The following MADD variants were observed in gnomAD, a reference collection of about 807,000 sequenced individuals.
MADD encodes MAP kinase activating death domain, also known as MAP kinase-activating death domain protein.
In MADD, 109 loss-of-function variants were observed where a neutral mutation model predicts 176.7. The observed-to-expected ratio is 0.62, with a 90% CI of 0.53 to 0.72. The LOEUF is 0.72. Ranked by LOEUF, MADD falls within the 30% of genes least tolerant of loss-of-function variation. The pLI is 0.00. For synonymous variants in MADD, 771 were observed against 771.3 expected, an observed-to-expected ratio of 1.00 and a Z score of 0.01; for missense variants, 1,914 against 2,045.5, an observed-to-expected ratio of 0.94 and a Z score of 1.24.
intron 32 of MADD, among the ~76,000 whole-genome samples, 166 bp downstream of exon 36, chr11:47,328,870 C>T (rs950009733): frequency 1.3e-5 from 2 of 152,138 alleles, no homozygotes; most frequent in East Asian, 1.9e-4. Flanking sequence ...CCCTGAGAGA[C>T]AGACACACAC....
intron 15 of MADD, 54 bp from the exon 17 acceptor site, chr11:47,289,337 T>G: frequency 1.3e-4 from 191 of 1,422,458 alleles, no homozygotes; most frequent in Non-Finnish European, 1.8e-4. Context: ...TGTGCTGGCA[T>G]GAGCTCCTGT....
At chr11:47,323,473 C>T (rs1212587249) in intron 27 of MADD, among the ~76,000 whole-genome samples, 198 bp from the exon 31 acceptor site, 1 of 151,972 alleles carries the variant, frequency 6.6e-6, no homozygotes, top group Non-Finnish European at 1.5e-5. Context: ...CTTCTAATGA[C>T]TCCATCTCTT....
intron 32 of MADD, 63 bp from the exon 37 acceptor site, chr11:47,328,983 T>G (rs1167607434): frequency 7.3e-7 from 1 of 1,370,558 alleles, no homozygotes; most frequent in Non-Finnish European, 1.0e-6. Flanking sequence ...CATTGGCAGA[T>G]CCTTCACATA....
exon 4 of MADD, chr11:47,276,153 G>A (rs1326027590): frequency 6.2e-7 from 1 of 1,614,092 alleles, no homozygotes; most frequent in Non-Finnish European, 8.5e-7. Context: ...GAACTTCTAG[G>A]TGTGGACGCC....
At chr11:47,298,240 T>C (rs560596064) in intron 22 of MADD, among the ~76,000 whole-genome samples, 38 of 152,302 alleles carry the variant, frequency 2.5e-4, no homozygotes, top group African/African-American at 9.1e-4. Flanking sequence ...GGAGCCAGAG[T>C]AATAGGAAAA....
intron 22 of MADD, among the ~76,000 whole-genome samples, chr11:47,299,735 G>T (rs761511072): frequency 7.3e-6 from 1 of 137,624 alleles, no homozygotes; most frequent in East Asian, 2.3e-4. Flanking sequence ...TTGCCATGTT[G>T]CCCAGGCTGG....
intron 22 of MADD, among the ~76,000 whole-genome samples, chr11:47,298,155 C>T (rs17726390): frequency 0.11 from 16,766 of 152,214 alleles, 1,078 homozygotes; most frequent in South Asian, 0.23. Context: ...AAATTGGCAA[C>T]GGGGCTAGCC....
intron 27 of MADD, among the ~76,000 whole-genome samples, chr11:47,320,677 C>T (rs2094305030): frequency 6.6e-6 from 1 of 151,758 alleles, no homozygotes; most frequent in Non-Finnish European, 1.5e-5. Flanking sequence ...GTACCAGCTA[C>T]TGGGGAGGCT....
chr11:47,283,392 CTTAT>C (rs1196986148), intron 10 of MADD, among the ~76,000 whole-genome samples: 3 of 151,384 alleles, frequency 2.0e-5, no homozygotes, highest in Non-Finnish European at 4.4e-5. Context: ...CGCGCCCGGC[CTTAT>C]TTATTTATTT....
intron 15 of MADD, 122 bp downstream of exon 16, chr11:47,289,149 C>T (rs2063158422): frequency 2.9e-6 from 3 of 1,037,224 alleles, no homozygotes; most frequent in East Asian, 2.4e-5. Flanking sequence ...CTTGCCCCGT[C>T]CCCCGTGACG....
intron 26 of MADD, among the ~76,000 whole-genome samples, chr11:47,312,530 A>G (rs930169982): frequency 2.6e-5 from 4 of 152,172 alleles, no homozygotes; most frequent in African/African-American, 9.7e-5. Flanking sequence ...GAGTTCAAGC[A>G]GTTTTCCTGC....
At chr11:47,273,929 G>T in exon 2 of MADD, 1 of 1,614,120 alleles carries the variant, frequency 6.2e-7, no homozygotes, top group Non-Finnish European at 8.5e-7. Context: ...TGCAAAAGAA[G>T]AAGTTCTGTC....
intron 25 of MADD, 97 bp downstream of exon 28, chr11:47,309,709 G>C: frequency 1.1e-6 from 1 of 871,658 alleles, no homozygotes; most frequent in Non-Finnish European, 1.9e-6. Flanking sequence ...AGCTATCAAG[G>C]TATCTTAACT....
rs533435952 is a variant in MADD, at chr11:47,275,529, G to A, written c.659+370G>A. Reference sequence around the variant, plus strand: ...TGGTCTCAAACTCCTCACCTCAGGTGGTCCACCCACGTTGGCCTCCCAAAG... The same window carrying A: ...TGGTCTCAAACTCCTCACCTCAGGTAGTCCACCCACGTTGGCCTCCCAAAG... On this transcript the variant is annotated intron_variant, in intron 3 of 32. Coordinates refer to ENST00000402192, the Ensembl canonical transcript of MADD. 3.3e-5 allele frequency among the ~76,000 whole-genome samples: 5 copies of A among 152,298 alleles called. No individual in the cohort carries two copies. In the East Asian group the frequency reaches 9.7e-4, roughly 29 times the overall value.
At chr11:47,295,794 T>A in intron 21 of MADD, 103 bp from the exon 24 acceptor site, 1 of 1,526,266 alleles carries the variant, frequency 6.6e-7, no homozygotes, top group Non-Finnish European at 8.8e-7. Flanking sequence ...TGACACACTT[T>A]TGAAATTTAA....
chr11:47,276,014 G>C, exon 4 of MADD: 1 of 1,614,182 alleles, frequency 6.2e-7, no homozygotes. Context: ...GCGCTCCCCA[G>C]TACCCGTCTC....
chr11:47,320,065 G>A (rs929546753), intron 27 of MADD, among the ~76,000 whole-genome samples: 53 of 146,250 alleles, frequency 3.6e-4, no homozygotes, highest in African/African-American at 1.3e-3. Flanking sequence ...ATACCTTTCC[G>A]TGTCTTTTTT....
intron 27 of MADD, among the ~76,000 whole-genome samples, chr11:47,320,083 C>A (rs770115364): frequency 1.8e-5 from 1 of 56,712 alleles, no homozygotes; most frequent in African/African-American, 7.0e-5. Context: ...TTTTTTTTTT[C>A]TTTAATGGAT....
At chr11:47,289,020 T>C in intron 15 of MADD, 2 of 1,591,632 alleles carry the variant, frequency 1.3e-6, no homozygotes, top group Non-Finnish European at 1.7e-6. Flanking sequence ...GCCCCGGGAG[T>C]GGTGAAGGTG....
Sources: gnomAD v4.1 joint callset for allele counts (sites outside exome capture counted in the v4.1 genomes callset) on GRCh38, gnomAD v4.1.1 for gene constraint, MANE v1.5 for transcripts, NCBI Gene and HGNC (gene_info 2026-07-23, HGNC 2026-07-21) for gene names.